Variants in NTRK2 observed in about 807,000 individuals in gnomAD.
NTRK2 encodes the protein BDNF/NT-3 growth factors receptor.
Under a neutral mutation model 94.5 loss-of-function variants are expected in NTRK2, and 13 were observed. That is an observed-to-expected ratio of 0.14 (90% CI 0.09 to 0.22). The LOEUF (loss-of-function observed/expected upper bound fraction) is 0.22, where lower values mean the gene tolerates loss of function less well. Among genes scored for constraint, NTRK2 ranks in the 10% least tolerant of loss-of-function variants. The pLI, the probability that NTRK2 is intolerant of heterozygous loss-of-function variation, is 1.00. For synonymous variants in NTRK2, 372 were observed against 407.4 expected (o/e 0.91, Z 1.05); for missense variants, 639 against 1,071.2 (o/e 0.60, Z 5.63).
rs945842315 is a variant in NTRK2 at position 84,807,257 on chromosome 9, G to A, written c.1397-53783G>A. 5.3e-5 allele frequency among the ~76,000 whole-genome samples: 8 copies of A among 152,260 alleles called. No homozygotes were observed. In the South Asian group the frequency reaches 8.3e-4, roughly 16 times the overall value. On this transcript the variant is annotated intron_variant, in intron 12 of 18. Coordinates refer to ENST00000277120, the MANE Select transcript of NTRK2 (RefSeq NM_006180.6). ...ATGTAAATAAATTTAAATGGGTTGT[G>A]AGCCAATGATAAAAAAGCAGAGCAC...
intron 14 of NTRK2, among the ~76,000 whole-genome samples, chr9:84,892,978 C>T (rs1411123700): frequency 6.6e-6 from 1 of 151,676 alleles, no homozygotes; most frequent in Non-Finnish European, 1.5e-5. Context: ...TTCCTTCTTT[C>T]CTGCCTCCCT....
chr9:84,875,141 T>C, intron 14 of NTRK2: 1 of 1,059,942 alleles, frequency 9.4e-7, no homozygotes, highest in Non-Finnish European at 1.1e-6. Context: ...TCTCTTGTAA[T>C]ATAAAGTCTG....
At chr9:84,804,798 A>T (rs78305006) in intron 12 of NTRK2, among the ~76,000 whole-genome samples, 1 of 152,206 alleles carries the variant, frequency 6.6e-6, no homozygotes, top group Non-Finnish European at 1.5e-5. Flanking sequence ...AGAAAATGTC[A>T]TTTCACTCTA....
chr9:84,745,125 C>G lies in NTRK2; in HGVS notation c.1296+52C>G, dbSNP rs532420002. On this transcript the variant is annotated intron_variant, in intron 11 of 18. Transcript: ENST00000277120. ...TTGGTTCTGAGCATTTTGGATGCCT[C>G]CATGTTAGAGGAATGTAGCTGCTTC... The G allele has an allele frequency of 3.2e-6, 4 of 1,256,852 alleles. No homozygotes were observed. The African/African-American group carries it at 4.4e-5, about 14-fold the overall frequency. 77.9% of individuals were successfully genotyped at this position (1,256,852 alleles called of 1,614,324 possible).
At chr9:84,803,748 T>C (rs1181940055) in intron 12 of NTRK2, among the ~76,000 whole-genome samples, 1 of 152,168 alleles carries the variant, frequency 6.6e-6, no homozygotes, top group Non-Finnish European at 1.5e-5. Context: ...AGTTGGGTAA[T>C]TCATGTTTTT....
chr9:84,798,059 A>C (rs1564300438), intron 12 of NTRK2, among the ~76,000 whole-genome samples: 1 of 150,590 alleles, frequency 6.6e-6, no homozygotes, highest in Non-Finnish European at 1.5e-5. Flanking sequence ...TAAACAACAG[A>C]AATTTATTTT....
At chr9:84,753,694 C>T (rs1024907102) in intron 12 of NTRK2, among the ~76,000 whole-genome samples, 3 of 152,178 alleles carry the variant, frequency 2.0e-5, no homozygotes, top group Admixed American at 1.3e-4. Flanking sequence ...TGGCATTTGG[C>T]GGTTCTCATG....
chr9:84,928,821 T>G (rs776357066), intron 14 of NTRK2, among the ~76,000 whole-genome samples: 2 of 152,234 alleles, frequency 1.3e-5, no homozygotes, highest in African/African-American at 4.8e-5. Context: ...GAACTCCCAG[T>G]ACAGGCCATT....
chr9:84,871,638 T>C, intron 14 of NTRK2: 1 of 761,754 alleles, frequency 1.3e-6, no homozygotes, highest in Non-Finnish European at 2.4e-6. Context: ...TGATCAATTA[T>C]ATCCCTTGAA....
intron 14 of NTRK2, among the ~76,000 whole-genome samples, chr9:84,878,218 A>T (rs909281522): frequency 6.6e-6 from 1 of 152,246 alleles, no homozygotes; most frequent in African/African-American, 2.4e-5. Flanking sequence ...AATGCAAAAG[A>T]TCTATGAAGA....
chr9:84,943,466 C>T (rs116909345), intron 15 of NTRK2, among the ~76,000 whole-genome samples: 330 of 152,308 alleles, frequency 2.2e-3, no homozygotes, highest in Non-Finnish European at 3.7e-3. Flanking sequence ...CAGGCAGTAT[C>T]TCGCTACAGT....
Position 84,702,348 on chromosome 9 carries a change from G to C in NTRK2, c.288G>C (p.Leu96=). The C allele has an allele frequency of 6.2e-7, 1 of 1,614,132 alleles. No homozygotes were observed. The highest frequency in any genetic ancestry group is 8.5e-7 in the Non-Finnish European group (1 of 1,180,002). ...TGCATGAAATTATGTGTTTTCACAG[G>C]ACAATTGTGGATTCTGGATTAAAAT... is the stretch of plus-strand genomic sequence containing the variant. ...DVEAYVGLRN[L]TIVDSGLKFV... The change falls in exon 4 of 19, where the codon CTG becomes CTC. Residue 96 remains leucine (L), a splice_region_variant and synonymous_variant. Transcript: ENST00000277120.
At chr9:84,799,245 TGC>T (rs2070077199) in intron 12 of NTRK2, among the ~76,000 whole-genome samples, 1 of 152,182 alleles carries the variant, frequency 6.6e-6, no homozygotes, top group South Asian at 2.1e-4. Flanking sequence ...ATCTACTCTG[TGC>T]CTTCAAGATC....
intron 2 of NTRK2, among the ~76,000 whole-genome samples, chr9:84,694,371 T>C (rs2060233833): frequency 6.6e-6 from 1 of 152,224 alleles, no homozygotes; most frequent in Non-Finnish European, 1.5e-5. Flanking sequence ...TCAAAGCTCA[T>C]GGCCAAAAAG....
At chr9:84,785,345 C>G (rs1018353432) in intron 12 of NTRK2, among the ~76,000 whole-genome samples, 8 of 152,148 alleles carry the variant, frequency 5.3e-5, no homozygotes, top group Admixed American at 3.9e-4. Flanking sequence ...TTTGATCACC[C>G]ATGATAGTTG....
At chr9:84,790,521 C>T (rs959657050) in intron 12 of NTRK2, among the ~76,000 whole-genome samples, 1 of 152,176 alleles carries the variant, frequency 6.6e-6, no homozygotes, top group African/African-American at 2.4e-5. Context: ...ATTTAGAGGA[C>T]TGCTTAATTT....
intron 14 of NTRK2, among the ~76,000 whole-genome samples, chr9:84,880,475 C>T (rs554816920): frequency 3.1e-4 from 47 of 152,026 alleles, no homozygotes; most frequent in Non-Finnish European, 5.3e-4. Flanking sequence ...TTCTACAACT[C>T]GTTCCTTCAT....
At position 84,756,807 on chromosome 9, in the gene NTRK2, C is replaced by A. The variant is rs572774304; in HGVS notation, c.1396+4722C>A. On this transcript the variant is annotated intron_variant, in intron 12 of 18. Transcript: ENST00000277120. ...GTTGGAGGTTTCCAACTAGTAAAGG[C>A]TGGAAAGCTACCCTGCCTTGGGATG... Among the ~76,000 whole-genome samples the A allele has an allele frequency of 4.6e-5, 7 of 152,266 alleles. No individual in the cohort carries two copies. In the South Asian group the frequency reaches 1.2e-3, roughly 27 times the overall value.
At chr9:84,943,462 G>T (rs1432217660) in intron 15 of NTRK2, among the ~76,000 whole-genome samples, 1 of 152,178 alleles carries the variant, frequency 6.6e-6, no homozygotes, top group Non-Finnish European at 1.5e-5. Context: ...ACTCCAGGCA[G>T]TATCTCGCTA....
Sources: gnomAD v4.1 joint callset for allele counts (sites outside exome capture counted in the v4.1 genomes callset) on GRCh38, gnomAD v4.1.1 for gene constraint, MANE v1.5 for transcripts, NCBI Gene and HGNC (gene_info 2026-07-23, HGNC 2026-07-21) for gene names.